The following CCDC192 variants were observed in gnomAD, a reference collection of about 807,000 sequenced individuals.
The protein encoded by CCDC192 is coiled-coil domain-containing protein 192.
chr5:127,797,981 A>G (rs2126970590), intron 4 of CCDC192, 125 bp from the exon 5 acceptor site: 1 of 390,322 alleles, frequency 2.6e-6, no homozygotes, highest in East Asian at 3.6e-5. Context: ...TGGTTTTCAA[A>G]ACGTAGCTGA....
At chr5:127,922,261 A>G (rs1561553181) in intron 6 of CCDC192, among the ~76,000 whole-genome samples, 1 of 152,214 alleles carries the variant, frequency 6.6e-6, no homozygotes. Context: ...GCTATCTTCT[A>G]GATAACATTA....
chr5:127,714,950 C>T (rs1458801893), intron 2 of CCDC192, among the ~76,000 whole-genome samples: 4 of 139,910 alleles, frequency 2.9e-5, no homozygotes, highest in East Asian at 2.1e-4. Flanking sequence ...GGTCTTTTGC[C>T]CATTTATAAT....
intron 6 of CCDC192, among the ~76,000 whole-genome samples, chr5:127,901,162 A>C (rs1753028138): frequency 6.6e-6 from 1 of 152,224 alleles, no homozygotes; most frequent in African/African-American, 2.4e-5. Context: ...AACAAAAAAG[A>C]TGAACTCTTT....
chr5:127,795,068 G>A (rs975737519), intron 3 of CCDC192, among the ~76,000 whole-genome samples: 2 of 151,924 alleles, frequency 1.3e-5, no homozygotes, highest in Non-Finnish European at 2.9e-5. Context: ...CGAGGCGGGC[G>A]GATCACTTGA....
At chr5:127,731,998 T>G (rs996087404) in intron 2 of CCDC192, among the ~76,000 whole-genome samples, 4 of 151,988 alleles carry the variant, frequency 2.6e-5, no homozygotes, top group African/African-American at 7.2e-5. Flanking sequence ...AATTGACAAA[T>G]GGGATCTAAT....
intron 2 of CCDC192, among the ~76,000 whole-genome samples, chr5:127,733,771 C>G (rs753924283): frequency 5.3e-5 from 8 of 151,880 alleles, no homozygotes; most frequent in Non-Finnish European, 1.2e-4. Flanking sequence ...AACAGAATGA[C>G]CCTGTCCACC....
At chr5:127,923,132 T>G (rs745733947) in intron 6 of CCDC192, among the ~76,000 whole-genome samples, 3 of 152,222 alleles carry the variant, frequency 2.0e-5, no homozygotes, top group Non-Finnish European at 4.4e-5. Flanking sequence ...ATACATTTTC[T>G]TTATTAGTTA....
At chr5:127,864,884 A>G (rs1360182156) in intron 5 of CCDC192, among the ~76,000 whole-genome samples, 1 of 152,204 alleles carries the variant, frequency 6.6e-6, no homozygotes, top group Non-Finnish European at 1.5e-5. Context: ...ATGGTGGTTC[A>G]CGCCTGTAAC....
intron 5 of CCDC192, among the ~76,000 whole-genome samples, chr5:127,846,117 C>T (rs1001201137): frequency 6.6e-6 from 1 of 151,914 alleles, no homozygotes; most frequent in Non-Finnish European, 1.5e-5. Flanking sequence ...GGTGAAACCC[C>T]ATCTCTATTA....
intron 2 of CCDC192, among the ~76,000 whole-genome samples, chr5:127,715,362 C>T (rs567828440): frequency 6.6e-6 from 1 of 152,320 alleles, no homozygotes; most frequent in East Asian, 1.9e-4. Context: ...TTTTCCAGCA[C>T]CATTTATTGA....
chr5:127,850,836 GGC>G (rs1331864645), intron 5 of CCDC192, among the ~76,000 whole-genome samples: 5 of 152,096 alleles, frequency 3.3e-5, no homozygotes, highest in Non-Finnish European at 5.9e-5. Flanking sequence ...CATGGTGGCA[GGC>G]GCCGGTAATC....
intron 5 of CCDC192, among the ~76,000 whole-genome samples, 189 bp downstream of exon 5, chr5:127,798,351 C>T (rs1373682296): frequency 1.3e-5 from 2 of 152,062 alleles, no homozygotes; most frequent in South Asian, 2.1e-4. Flanking sequence ...TTGTGGATGA[C>T]CAAAATTCCA....
chr5:127,749,094 T>C (rs992651707), intron 2 of CCDC192, among the ~76,000 whole-genome samples: 1 of 152,200 alleles, frequency 6.6e-6, no homozygotes, highest in African/African-American at 2.4e-5. Flanking sequence ...CCTAATTGAA[T>C]ATCCTTTATT....
chr5:127,772,172 C>T (rs61679053), intron 3 of CCDC192, among the ~76,000 whole-genome samples: 6,683 of 152,134 alleles, frequency 0.044, 495 homozygotes, highest in African/African-American at 0.15. Context: ...TCAAGAATGT[C>T]ACCAACGGCC....
chr5:127,905,314 G>A (rs990440464), intron 6 of CCDC192, among the ~76,000 whole-genome samples: 17 of 151,990 alleles, frequency 1.1e-4, no homozygotes, highest in Middle Eastern at 3.2e-3. Flanking sequence ...TTTAGGCTTC[G>A]GATTCCCTCT....
chr5:127,873,394 T>TA (rs567408227), intron 5 of CCDC192, among the ~76,000 whole-genome samples: 50 of 152,302 alleles, frequency 3.3e-4, no homozygotes, highest in South Asian at 6.2e-4. Flanking sequence ...AAAGTTGAAA[T>TA]AATTATATAG....
intron 2 of CCDC192, among the ~76,000 whole-genome samples, chr5:127,737,055 T>C (rs1485077029): frequency 6.6e-6 from 1 of 151,308 alleles, no homozygotes; most frequent in Non-Finnish European, 1.5e-5. Context: ...CTGCTTTCTC[T>C]TGTGGGCATT....
intron 3 of CCDC192, among the ~76,000 whole-genome samples, chr5:127,783,543 A>G (rs56300569): frequency 0.012 from 1,770 of 152,322 alleles, 13 homozygotes; most frequent in African/African-American, 0.022. Flanking sequence ...GGCCTATTAT[A>G]TGGTCTATCT....
At chr5:127,900,895 A>G (rs1479008267) in intron 6 of CCDC192, among the ~76,000 whole-genome samples, 1 of 152,228 alleles carries the variant, frequency 6.6e-6, no homozygotes, top group Non-Finnish European at 1.5e-5. Flanking sequence ...AAATAAATAA[A>G]TACAGTTACT....
Sources: allele counts gnomAD v4.1 joint callset (sites outside exome capture counted in the v4.1 genomes callset), GRCh38; gene constraint gnomAD v4.1.1; transcripts MANE v1.5; gene names NCBI Gene and HGNC (gene_info 2026-07-23, HGNC 2026-07-21).